The following GFRAL variants were observed in gnomAD, a reference collection of about 807,000 sequenced individuals.
GFRAL encodes the protein GDNF family receptor alpha-like.
Under a neutral mutation model 45.4 loss-of-function variants are expected in GFRAL, and 36 were observed. The ratio of observed to expected loss-of-function variants is 0.79; its 90% confidence interval spans 0.61 to 1.05. The LOEUF (loss-of-function observed/expected upper bound fraction) is 1.05. Ranked by LOEUF, GFRAL falls within the 50% of genes least tolerant of loss-of-function variation. The pLI, the probability that GFRAL is intolerant of heterozygous loss-of-function variation, is 0.00. For synonymous variants in GFRAL, 166 were observed against 154.1 expected, an observed-to-expected ratio of 1.08 and a Z score of -0.57; for missense variants, 507 against 467.5, an observed-to-expected ratio of 1.08 and a Z score of -0.78.
At chr6:55,384,559 C>T (rs889508514) in intron 6 of GFRAL, among the ~76,000 whole-genome samples, 1 of 152,128 alleles carries the variant, frequency 6.6e-6, no homozygotes, top group South Asian at 2.1e-4. Flanking sequence ...ACTTGATTTT[C>T]AGCATCAAGC....
At chr6:55,345,407 G>T (rs1030144126) in intron 3 of GFRAL, among the ~76,000 whole-genome samples, 2 of 152,134 alleles carry the variant, frequency 1.3e-5, no homozygotes, top group African/African-American at 2.4e-5. Flanking sequence ...ACAACCATCT[G>T]ATCTTTGACA....
Position 55,359,158 on chromosome 6 carries a change from T to TTATC in GFRAL, c.952+22_952+25dup, listed in dbSNP as rs1357505659. On this transcript the variant is annotated intron_variant, in intron 6 of 8. Transcript: ENST00000340465. ...GTTTCAGTAAGTTCCCCAAATAAAA[T>TTATC]TATCTGTCTATCTATCTATCTATCT... is the stretch of plus-strand genomic sequence containing the variant. The TTATC allele has an allele frequency of 2.3e-6, 3 of 1,325,084 alleles. No homozygotes were observed. Among genetic ancestry groups the TTATC allele is most frequent in the Non-Finnish European group, 3.1e-6 (3 of 959,522 alleles). 82.1% of individuals were successfully genotyped at this position (1,325,084 alleles called of 1,614,324 possible).
intron 6 of GFRAL, among the ~76,000 whole-genome samples, chr6:55,371,586 T>C (rs1438385995): frequency 1.3e-5 from 2 of 152,216 alleles, no homozygotes; most frequent in African/African-American, 4.8e-5. Context: ...ACAAGTTTTT[T>C]GTAGATACTG....
rs1384935731 is a variant in GFRAL at position 55,327,476 on chromosome 6, G to A, written c.-79G>A. The A allele has an allele frequency of 2.0e-6, 3 of 1,483,022 alleles. No homozygotes were observed. The African/African-American group carries it at 4.2e-5, about 21-fold the overall frequency. The allele number at this position is 1,483,022 out of a possible 1,614,324, so 91.9% of individuals were successfully genotyped here. Reference sequence around the variant, plus strand: ...AACACAGAGGCTGAAGCCTTATTCTGGACAGTTACTCTTAAGAAAGTTGTC... The same window carrying A: ...AACACAGAGGCTGAAGCCTTATTCTAGACAGTTACTCTTAAGAAAGTTGTC... On this transcript the variant is annotated 5_prime_UTR_variant, in exon 1 of 9. Transcript: ENST00000340465.
At chr6:55,331,589 C>A in intron 1 of GFRAL, 126 bp from the exon 2 acceptor site, 1 of 711,948 alleles carries the variant, frequency 1.4e-6, no homozygotes, top group Non-Finnish European at 2.2e-6. Context: ...AAGGTTATTC[C>A]CACCATCAAT....
At chr6:55,381,402 A>G (rs1768605653) in intron 6 of GFRAL, among the ~76,000 whole-genome samples, 1 of 151,880 alleles carries the variant, frequency 6.6e-6, no homozygotes, top group South Asian at 2.1e-4. Context: ...AGATGCTAGT[A>G]AGATTGGTTT....
intron 6 of GFRAL, among the ~76,000 whole-genome samples, chr6:55,384,681 G>T (rs1768656799): frequency 6.6e-6 from 1 of 152,034 alleles, no homozygotes; most frequent in East Asian, 1.9e-4. Flanking sequence ...GCTGGATAAG[G>T]TTAGTTGTTT....
chr6:55,382,869 T>C (rs554147950), intron 6 of GFRAL, among the ~76,000 whole-genome samples: 2 of 152,068 alleles, frequency 1.3e-5, no homozygotes, highest in South Asian at 4.1e-4. Flanking sequence ...AGTAAAGAAA[T>C]ATCTGAAACA....
At chr6:55,350,792 T>G (rs553024122) in intron 4 of GFRAL, among the ~76,000 whole-genome samples, 4 of 152,278 alleles carry the variant, frequency 2.6e-5, no homozygotes, top group African/African-American at 9.6e-5. Context: ...TACTTGTGTA[T>G]CTGTAGGAGT....
chr6:55,336,432 T>C (rs1223202111), intron 3 of GFRAL, among the ~76,000 whole-genome samples: 1 of 152,236 alleles, frequency 6.6e-6, no homozygotes, highest in African/African-American at 2.4e-5. Flanking sequence ...CAGTATTTGA[T>C]AGTTTTCAGT....
intron 3 of GFRAL, among the ~76,000 whole-genome samples, chr6:55,349,678 T>C (rs998698707): frequency 6.6e-6 from 1 of 152,054 alleles, no homozygotes; most frequent in African/African-American, 2.4e-5. Context: ...TTTTAAAAAT[T>C]GCATTTCATA....
intron 6 of GFRAL, among the ~76,000 whole-genome samples, chr6:55,384,436 G>C (rs1768653943): frequency 6.6e-6 from 1 of 151,922 alleles, no homozygotes; most frequent in Admixed American, 6.6e-5. Flanking sequence ...AGTAGACTTG[G>C]ATAACTGGAA....
intron 6 of GFRAL, among the ~76,000 whole-genome samples, chr6:55,369,597 G>A (rs115989548): frequency 0.014 from 2,126 of 152,198 alleles, 28 homozygotes; most frequent in Non-Finnish European, 0.023. Flanking sequence ...TGCAATAAAT[G>A]TTATTGCACG....
chr6:55,338,571 G>C (rs9382487), intron 3 of GFRAL, among the ~76,000 whole-genome samples: 73,803 of 151,888 alleles, frequency 0.49, 19,317 homozygotes, highest in Non-Finnish European at 0.61. Flanking sequence ...ACATAATAAG[G>C]ACACACACAT....
rs1046795637 is a variant in GFRAL, at chr6:55,397,406, T to C, written c.953-1774T>C. Among the ~76,000 whole-genome samples the C allele has an allele frequency of 5.5e-4, 81 of 146,332 alleles. 5 individuals are homozygous for C. The highest frequency in any genetic ancestry group is 1.9e-3 in the African/African-American group (73 of 38,932). On this transcript the variant is annotated intron_variant, in intron 6 of 8. Transcript: ENST00000340465. ...AGTGGCGGGCGCCTGTAGTCCCAGC[T>C]ACTCGGGAGGCTGAGGCAGGAGAAT...
chr6:55,335,388 T>G (rs1767878054), intron 3 of GFRAL, among the ~76,000 whole-genome samples: 1 of 152,132 alleles, frequency 6.6e-6, no homozygotes, highest in South Asian at 2.1e-4. Context: ...AGAATATGTG[T>G]TTTGTATTTT....
intron 6 of GFRAL, among the ~76,000 whole-genome samples, chr6:55,395,171 A>ATAT (rs1327884681): frequency 6.6e-5 from 6 of 90,826 alleles, no homozygotes; most frequent in South Asian, 7.1e-4. Flanking sequence ...GGAAAAAAAA[A>ATAT]AAAAATATAT....
intron 2 of GFRAL, among the ~76,000 whole-genome samples, chr6:55,332,870 T>G (rs1767848245): frequency 6.6e-6 from 1 of 151,996 alleles, no homozygotes; most frequent in Non-Finnish European, 1.5e-5. Flanking sequence ...ATAGAATAAG[T>G]AAATAGAATA....
chr6:55,384,845 G>T (rs1465593570), intron 6 of GFRAL, among the ~76,000 whole-genome samples: 1 of 133,092 alleles, frequency 7.5e-6, no homozygotes, highest in African/African-American at 2.8e-5. Context: ...GATTTTCCTA[G>T]ATTTCTCCAA....
Sources: allele counts gnomAD v4.1 joint callset (sites outside exome capture counted in the v4.1 genomes callset), GRCh38; gene constraint gnomAD v4.1.1; transcripts MANE v1.5; gene names NCBI Gene and HGNC (gene_info 2026-07-23, HGNC 2026-07-21).